ITGA1: variants seen among roughly 807,000 people sequenced by gnomAD.
The protein encoded by ITGA1 is integrin subunit alpha 1, also known as integrin alpha-1.
Under a neutral mutation model 145.9 loss-of-function variants are expected in ITGA1, and 85 were observed. The observed-to-expected ratio is 0.58, with a 90% CI of 0.49 to 0.70. ITGA1 has a LOEUF of 0.70. ITGA1 is among the 30% of genes least tolerant of loss of function. ITGA1 has a pLI of 0.00. For missense variants in ITGA1, 1,351 were observed against 1,418.7 expected, an observed-to-expected ratio of 0.95 and a Z score of 0.77; for synonymous variants, 520 against 495.3, an observed-to-expected ratio of 1.05 and a Z score of -0.66.
intron 16 of ITGA1, among the ~76,000 whole-genome samples, chr5:52,919,832 T>G (rs919387865): frequency 6.6e-6 from 1 of 152,184 alleles, no homozygotes; most frequent in African/African-American, 2.4e-5. Flanking sequence ...GCTTATTTTA[T>G]TGAACCTTAA....
intron 28 of ITGA1, among the ~76,000 whole-genome samples, chr5:52,951,112 A>T (rs1000875478): frequency 6.6e-6 from 1 of 152,092 alleles, no homozygotes; most frequent in Non-Finnish European, 1.5e-5. Flanking sequence ...AAAAGTGCAT[A>T]TTTTTGAGGG....
In ITGA1 at chr5:52,909,028, A is replaced by G; in HGVS notation, c.1586A>G (p.Tyr529Cys). Residue 529 changes from tyrosine (Y) to cysteine (C), a missense_variant, in exon 13 of 29, where the codon TAT becomes TGT. Tyr to Cys is a radical substitution (Grantham distance 194, BLOSUM62 -2). Transcript: ENST00000282588. ...GAGGAGCAAGGAAAAGTGTATGTGT[A>G]TGCTCTCAATCAGGTAATGGTGTCT... ...EKEEQGKVYVYALNQTRFEYQ... is the reference protein window; with the variant it reads ...EKEEQGKVYVCALNQTRFEYQ... 6.2e-7 allele frequency: 1 copy of G among 1,613,670 alleles called. No homozygotes were observed. Among genetic ancestry groups the G allele is most frequent in the Non-Finnish European group, 8.5e-7 (1 of 1,179,768 alleles).
intron 7 of ITGA1, among the ~76,000 whole-genome samples, 178 bp from the exon 8 acceptor site, chr5:52,887,637 C>G (rs1750075160): frequency 1.3e-5 from 2 of 152,210 alleles, no homozygotes; most frequent in Non-Finnish European, 2.9e-5. Context: ...TGAAATAAAT[C>G]TAAAACTATT....
chr5:52,943,759 C>T (rs1208001112), intron 26 of ITGA1, among the ~76,000 whole-genome samples: 1 of 152,190 alleles, frequency 6.6e-6, no homozygotes, highest in Admixed American at 6.5e-5. Context: ...TTACCCATCT[C>T]AGTGCTCTGA....
chr5:52,841,365 A>G (rs551657076), intron 1 of ITGA1, among the ~76,000 whole-genome samples: 319 of 152,296 alleles, frequency 2.1e-3, no homozygotes, highest in African/African-American at 7.4e-3. Flanking sequence ...CCAAGGCCCT[A>G]TAATTATTTG....
chr5:52,909,082 T>A, intron 13 of ITGA1, 41 bp downstream of exon 13: 6 of 1,564,668 alleles, frequency 3.8e-6, no homozygotes, highest in Non-Finnish European at 5.2e-6. Flanking sequence ...GGAAAATCTC[T>A]TCCTTCTCTT....
intron 1 of ITGA1, among the ~76,000 whole-genome samples, chr5:52,835,593 A>G (rs537807287): frequency 3.3e-5 from 5 of 152,210 alleles, no homozygotes; most frequent in African/African-American, 4.8e-5. Flanking sequence ...CCTCATTTTA[A>G]TGGGTCTAAA....
Position 52,886,610 on chromosome 5 carries a change from T to C in ITGA1, c.774-1205T>C, listed in dbSNP as rs73754061. On this transcript the variant is annotated intron_variant, in intron 7 of 28. Coordinates refer to ENST00000282588, the MANE Select transcript of ITGA1 (RefSeq NM_181501.2). ...TCCTAAATAAAATATACTCATCTCT[T>C]CCAAGACTCCAGAGCGAAAAGGTTT... Among the ~76,000 whole-genome samples the C allele has an allele frequency of 4.9e-3, 750 of 152,276 alleles. 4 individuals carry two copies. Among genetic ancestry groups the C allele is most frequent in the African/African-American group, 0.017 (706 of 41,550 alleles).
rs746272135 is a variant in ITGA1, at chr5:52,929,692, G to A, written c.2762G>A (p.Ser921Asn). ...YLMENVTIYL[S>N]ATSDSEEPPE... ...ATGGAAAATGTGACCATTTATTTAA[G>A]TGCAACAAGGTTGGTTTACATGTGT... Residue 921 changes from serine to asparagine, a missense_variant, in exon 21 of 29, where the codon AGT (serine) becomes AAT (asparagine). Transcript: ENST00000282588. 1 of 1,579,766 alleles carries A rather than the reference G, an allele frequency of 6.3e-7. No individual in the cohort carries two copies. The highest frequency in any genetic ancestry group is 2.2e-5 in the East Asian group (1 of 44,502).
chr5:52,798,225 A>G (rs1748383188), intron 1 of ITGA1, among the ~76,000 whole-genome samples: 1 of 152,212 alleles, frequency 6.6e-6, no homozygotes, highest in South Asian at 2.1e-4. Context: ...AGGCAATGTG[A>G]ATTAGGAACT....
rs184437091 is a variant in ITGA1, at chr5:52,928,963, C to T, written c.2695-662C>T. ...AGTCAGACAAATGACTTAATTTCGG[C>T]TTTGTGGTGTGGAACTTAAGCATTA... On this transcript the variant is annotated intron_variant, in intron 20 of 28. Coordinates refer to ENST00000282588, the MANE Select transcript of ITGA1 (RefSeq NM_181501.2). Among the ~76,000 whole-genome samples, 285 of 152,288 alleles carry T rather than the reference C, an allele frequency of 1.9e-3. 1 individual carries two copies. Among genetic ancestry groups the T allele is most frequent in the African/African-American group, 6.6e-3 (273 of 41,568 alleles).
intron 7 of ITGA1, among the ~76,000 whole-genome samples, chr5:52,882,692 A>G (rs2927687): frequency 0.2 from 30,121 of 152,180 alleles, 3,136 homozygotes; most frequent in South Asian, 0.28. Context: ...AAGAACGAAC[A>G]GAATTGTCCT....
intron 14 of ITGA1, 113 bp downstream of exon 14, chr5:52,910,532 G>A: frequency 8.7e-7 from 1 of 1,147,976 alleles, no homozygotes; most frequent in Non-Finnish European, 1.2e-6. Context: ...ACCTTATTGG[G>A]AAACTGGATT....
At position 52,926,973 on chromosome 5, in the gene ITGA1, A is replaced by G. The variant is rs184245217; in HGVS notation, c.2614-611A>G. Among the ~76,000 whole-genome samples, 50 of 152,292 alleles carry G rather than the reference A, an allele frequency of 3.3e-4. No individual in the cohort carries two copies. In the South Asian group the frequency reaches 6.0e-3, roughly 18 times the overall value. ...AACATTCTTGTAATTGCATTTTACAATTGATAACATGTTTATTTACGTGGC... is the reference window on the plus strand; with the variant it reads ...AACATTCTTGTAATTGCATTTTACAGTTGATAACATGTTTATTTACGTGGC... On this transcript the variant is annotated intron_variant, in intron 19 of 28. Coordinates refer to ENST00000282588, the MANE Select transcript of ITGA1 (RefSeq NM_181501.2).
chr5:52,940,136 G>C (rs1297192822), intron 26 of ITGA1, among the ~76,000 whole-genome samples, 192 bp downstream of exon 26: 1 of 152,170 alleles, frequency 6.6e-6, no homozygotes, highest in East Asian at 1.9e-4. Flanking sequence ...TAAGAACTAA[G>C]ATATTACCAA....
chr5:52,904,461 A>C (rs1750365240), intron 11 of ITGA1: 1 of 152,236 alleles, frequency 6.6e-6, no homozygotes, highest in South Asian at 2.1e-4. Context: ...AGAAACAAAA[A>C]TAATGACCCA....
chr5:52,805,594 G>A (rs1017635126), intron 1 of ITGA1, among the ~76,000 whole-genome samples: 2 of 151,968 alleles, frequency 1.3e-5, no homozygotes, highest in Non-Finnish European at 1.5e-5. Context: ...GACACAAAAT[G>A]TAACTTTAAA....
intron 1 of ITGA1, among the ~76,000 whole-genome samples, chr5:52,827,298 A>G (rs1238265890): frequency 6.6e-6 from 1 of 152,174 alleles, no homozygotes; most frequent in Non-Finnish European, 1.5e-5. Context: ...CTGTGATCTC[A>G]TGATAAAACT....
At chr5:52,849,645 T>TA (rs201300374) in intron 2 of ITGA1, among the ~76,000 whole-genome samples, 160 bp downstream of exon 2, 43,075 of 147,342 alleles carry the variant, frequency 0.29, 6,535 homozygotes, top group South Asian at 0.41. Context: ...TAACTTAAAG[T>TA]AAAAAAAAAA....
Sources: allele counts gnomAD v4.1 joint callset (sites outside exome capture counted in the v4.1 genomes callset), GRCh38; gene constraint gnomAD v4.1.1; transcripts MANE v1.5; gene names NCBI Gene and HGNC (gene_info 2026-07-23, HGNC 2026-07-21).